CRB1: variants seen among roughly 807,000 people sequenced by gnomAD.
CRB1 encodes crumbs cell polarity complex component 1.
Under a neutral mutation model 120.0 loss-of-function variants are expected in CRB1, and 83 were observed. The observed-to-expected ratio is 0.69, with a 90% CI of 0.58 to 0.83. CRB1 has a LOEUF of 0.83. Among genes scored for constraint, CRB1 ranks in the 40% least tolerant of loss-of-function variants. CRB1 has a pLI of 0.00. For synonymous variants in CRB1, 625 were observed against 612.5 expected, an observed-to-expected ratio of 1.02 and a Z score of -0.30; for missense variants, 1,699 against 1,687.6, an observed-to-expected ratio of 1.01 and a Z score of -0.12.
At chr1:197,301,562 C>T (rs1253664091) in intron 1 of CRB1, among the ~76,000 whole-genome samples, 2 of 152,178 alleles carry the variant, frequency 1.3e-5, no homozygotes, top group Non-Finnish European at 2.9e-5. Context: ...TGCAAACCAT[C>T]TGGGAAGGAT....
At chr1:197,323,245 A>G (rs1446651132) in intron 1 of CRB1, among the ~76,000 whole-genome samples, 4 of 152,162 alleles carry the variant, frequency 2.6e-5, no homozygotes, top group Admixed American at 2.6e-4. Context: ...AACTTAGCAC[A>G]CTGATAAGTC....
At chr1:197,431,990 G>T (rs1441884524) in intron 8 of CRB1, among the ~76,000 whole-genome samples, 1 of 152,048 alleles carries the variant, frequency 6.6e-6, no homozygotes, top group African/African-American at 2.4e-5. Flanking sequence ...AGATACTCTT[G>T]AGAGTACAGC....
At chr1:197,424,301 G>A (rs1031948373) in intron 6 of CRB1, among the ~76,000 whole-genome samples, 4 of 152,076 alleles carry the variant, frequency 2.6e-5, no homozygotes, top group African/African-American at 4.8e-5. Context: ...GGATTTGCCC[G>A]TAGCTTTCCT....
At chr1:197,258,027 C>A in the CRB1 span, among the ~76,000 whole-genome samples, 1 of 152,126 alleles carries the variant, frequency 6.6e-6, no homozygotes, top group East Asian at 1.9e-4. Flanking sequence ...TTCTCTGATT[C>A]TTCTTCTCTC....
chr1:197,444,236 A>G (rs944613583), intron 11 of CRB1: 2 of 152,230 alleles, frequency 1.3e-5, no homozygotes, highest in African/African-American at 4.8e-5. Flanking sequence ...CTATCTTGCA[A>G]TAGTAATAGA....
intron 8 of CRB1, among the ~76,000 whole-genome samples, chr1:197,430,929 A>G (rs567631850): frequency 4.3e-4 from 66 of 152,142 alleles, no homozygotes; most frequent in African/African-American, 1.2e-3. Context: ...TGCTGGATGC[A>G]GTGACTGACA....
In CRB1 at chr1:197,435,733, C is replaced by T. The variant is rs547327613; in HGVS notation, c.3749+121C>T. 7 of 843,464 alleles carry T rather than the reference C, an allele frequency of 8.3e-6. No homozygotes were observed. In the African/African-American group the frequency reaches 1.2e-4, roughly 14 times the overall value. 52.2% of individuals were successfully genotyped at this position (843,464 alleles called of 1,614,324 possible). A position where few individuals can be genotyped will look rare whatever the true frequency, so the allele number is the denominator to read the frequency against. On this transcript the variant is annotated intron_variant, in intron 9 of 11. Coordinates refer to ENST00000367400, the MANE Select transcript of CRB1 (RefSeq NM_201253.3). ...ATATACTGTGCTGAACAGGGTGACA[C>T]TGGTAGCTTCTGTCACAATTTGGTC...
chr1:197,329,514 A>C (rs1658729300), intron 2 of CRB1, among the ~76,000 whole-genome samples: 1 of 152,220 alleles, frequency 6.6e-6, no homozygotes, highest in Non-Finnish European at 1.5e-5. Flanking sequence ...TTCTTGTTTT[A>C]CGTCTTAGAG....
chr1:197,426,531 T>C (rs1951697), intron 6 of CRB1, among the ~76,000 whole-genome samples: 142,172 of 152,160 alleles, frequency 0.93, 67,238 homozygotes, highest in East Asian at 1. Flanking sequence ...TTCTTCCTAC[T>C]ATGTCACCCA....
chr1:197,442,500 A>G (rs1571573422), intron 11 of CRB1: 1 of 1,474,398 alleles, frequency 6.8e-7, no homozygotes, highest in East Asian at 2.5e-5. Context: ...TCTCTGGGGA[A>G]GAAAAAGGAA....
At chr1:197,244,095 T>C in the CRB1 span, among the ~76,000 whole-genome samples, 7 of 152,312 alleles carry the variant, frequency 4.6e-5, no homozygotes, top group African/African-American at 1.4e-4. Flanking sequence ...GTCTCCTGAA[T>C]ACAGCACAAC....
the CRB1 span, among the ~76,000 whole-genome samples, chr1:197,250,609 C>T: frequency 2.9e-4 from 44 of 152,002 alleles, no homozygotes; most frequent in Admixed American, 7.2e-4. Flanking sequence ...GCATTAGGGG[C>T]GTAGAGAGGG....
intron 1 of CRB1, among the ~76,000 whole-genome samples, chr1:197,279,982 A>G (rs1655431350): frequency 1.3e-5 from 2 of 151,800 alleles, no homozygotes; most frequent in Admixed American, 1.3e-4. Flanking sequence ...AAACCTTGTG[A>G]TGAAGATTTT....
chr1:197,250,433 T>G, the CRB1 span, among the ~76,000 whole-genome samples: 2 of 152,062 alleles, frequency 1.3e-5, no homozygotes, highest in Non-Finnish European at 2.9e-5. Context: ...AGATGACTAG[T>G]ATTTTCCAAC....
chr1:197,299,342 C>A (rs1411083998), intron 1 of CRB1, among the ~76,000 whole-genome samples: 2 of 152,048 alleles, frequency 1.3e-5, no homozygotes, highest in Admixed American at 1.3e-4. Flanking sequence ...TTACATCTTA[C>A]AAAGCCAACC....
intron 6 of CRB1, among the ~76,000 whole-genome samples, chr1:197,423,524 C>T (rs548638500): frequency 1.3e-5 from 2 of 152,264 alleles, no homozygotes; most frequent in Non-Finnish European, 2.9e-5. Flanking sequence ...TTCATATCAC[C>T]TCTTCATTAT....
chr1:197,255,949 A>T, the CRB1 span, among the ~76,000 whole-genome samples: 1 of 124,382 alleles, frequency 8.0e-6, no homozygotes, highest in African/African-American at 2.9e-5. Context: ...AATGTTCTAT[A>T]ATAATATAGA....
At chr1:197,251,331 T>G in the CRB1 span, among the ~76,000 whole-genome samples, 1 of 152,020 alleles carries the variant, frequency 6.6e-6, no homozygotes, top group Non-Finnish European at 1.5e-5. Context: ...GTCTTTGTTT[T>G]AATGGTGGTA....
chr1:197,218,642 C>T, the CRB1 span, among the ~76,000 whole-genome samples: 1 of 152,016 alleles, frequency 6.6e-6, no homozygotes, highest in Non-Finnish European at 1.5e-5. Flanking sequence ...GTGTAAAAGT[C>T]CCTTGACTGT....
Sources: allele counts gnomAD v4.1 joint callset (sites outside exome capture counted in the v4.1 genomes callset), GRCh38; gene constraint gnomAD v4.1.1; transcripts MANE v1.5; gene names NCBI Gene and HGNC (gene_info 2026-07-23, HGNC 2026-07-21).